RFX3: variants seen among roughly 807,000 people sequenced by gnomAD.
The protein encoded by RFX3 is transcription factor RFX3.
RFX3 carries 14 observed loss-of-function variants against 98.6 expected under a neutral mutation model. That is an observed-to-expected ratio of 0.14 (90% CI 0.09 to 0.22). The LOEUF is 0.22. Among genes scored for constraint, RFX3 ranks in the 10% least tolerant of loss-of-function variants. RFX3 has a pLI of 1.00. For synonymous variants in RFX3, 383 were observed against 328.4 expected, an observed-to-expected ratio of 1.17 and a Z score of -1.80; for missense variants, 639 against 926.9, an observed-to-expected ratio of 0.69 and a Z score of 4.03.
chr9:3,520,049 G>A (rs1818553581), intron 1 of RFX3, among the ~76,000 whole-genome samples: 1 of 152,164 alleles, frequency 6.6e-6, no homozygotes, highest in Admixed American at 6.5e-5. Flanking sequence ...GATTGAGGCT[G>A]CAGTGAGCTA....
intron 2 of RFX3, among the ~76,000 whole-genome samples, chr9:3,357,329 T>A (rs1354769783): frequency 2.0e-5 from 3 of 152,050 alleles, no homozygotes; most frequent in Non-Finnish European, 4.4e-5. Context: ...TTTCTCTACA[T>A]AAATTATCTC....
intron 1 of RFX3, among the ~76,000 whole-genome samples, chr9:3,424,011 G>T (rs953230406): frequency 6.6e-6 from 1 of 151,508 alleles, no homozygotes; most frequent in Non-Finnish European, 1.5e-5. Flanking sequence ...GCCGGGCGTG[G>T]TGGCAGGTGC....
At chr9:3,508,481 TCTGA>T (rs774623894) in intron 1 of RFX3, among the ~76,000 whole-genome samples, 6 of 151,994 alleles carry the variant, frequency 3.9e-5, no homozygotes, top group Non-Finnish European at 7.4e-5. Context: ...TGCATTATAT[TCTGA>T]CTCTCTCAAT....
At chr9:3,464,354 T>A (rs982320201) in intron 1 of RFX3, among the ~76,000 whole-genome samples, 4 of 152,232 alleles carry the variant, frequency 2.6e-5, no homozygotes, top group African/African-American at 4.8e-5. Context: ...GTATAACTGT[T>A]TTATTCATAA....
At chr9:3,270,106 GAAAGAAAGAAAGAAAGAAAGGAAA>G (rs1277573302) in intron 11 of RFX3, among the ~76,000 whole-genome samples, 7 of 25,858 alleles carry the variant, frequency 2.7e-4, no homozygotes, top group South Asian at 5.0e-3. Flanking sequence ...AAGAAAGAAA[GAAAGAAAGAAAGAAAGAAAGGAAA>G]GAAAGAAAGA....
At chr9:3,362,404 C>T (rs1391444067) in intron 2 of RFX3, among the ~76,000 whole-genome samples, 3 of 152,022 alleles carry the variant, frequency 2.0e-5, no homozygotes, top group African/African-American at 7.3e-5. Context: ...GGTAGATGAC[C>T]CTATCACTTA....
intron 1 of RFX3, among the ~76,000 whole-genome samples, chr9:3,441,313 G>C (rs1034948348): frequency 6.6e-6 from 1 of 151,534 alleles, no homozygotes; most frequent in Non-Finnish European, 1.5e-5. Context: ...AGAATTGAGA[G>C]AGAGAGAGAG....
At chr9:3,408,216 T>C (rs985845907) in intron 1 of RFX3, among the ~76,000 whole-genome samples, 6 of 152,120 alleles carry the variant, frequency 3.9e-5, no homozygotes, top group African/African-American at 1.4e-4. Context: ...TATTTAACTC[T>C]CCTTCCTAAT....
intron 1 of RFX3, among the ~76,000 whole-genome samples, chr9:3,434,581 T>C (rs546060469): frequency 2.0e-5 from 3 of 152,266 alleles, no homozygotes; most frequent in South Asian, 4.1e-4. Flanking sequence ...AAGGTCTTTG[T>C]ACATTCCACT....
At chr9:3,233,021 C>T (rs543038851) in intron 15 of RFX3, among the ~76,000 whole-genome samples, 1 of 152,296 alleles carries the variant, frequency 6.6e-6, no homozygotes, top group African/African-American at 2.4e-5. Context: ...CTAGAACAGA[C>T]AGTAGAGAAA....
At chr9:3,347,196 CT>C (rs1670188068) in intron 2 of RFX3, among the ~76,000 whole-genome samples, 1 of 152,046 alleles carries the variant, frequency 6.6e-6, no homozygotes, top group South Asian at 2.1e-4. Context: ...CGGCATGCGC[CT>C]GTAGTCCCAG....
At chr9:3,425,188 G>A (rs564608353) in intron 1 of RFX3, among the ~76,000 whole-genome samples, 3 of 152,318 alleles carry the variant, frequency 2.0e-5, no homozygotes, top group South Asian at 4.1e-4. Flanking sequence ...AGTGAGCCAT[G>A]ATCACACACC....
At chr9:3,467,935 T>C (rs1848459900) in intron 1 of RFX3, among the ~76,000 whole-genome samples, 1 of 152,184 alleles carries the variant, frequency 6.6e-6, no homozygotes, top group Non-Finnish European at 1.5e-5. Context: ...CAAGTGTCCT[T>C]GCAACCATGG....
intron 1 of RFX3, among the ~76,000 whole-genome samples, chr9:3,440,483 T>C (rs1845521045): frequency 1.3e-5 from 2 of 152,064 alleles, no homozygotes; most frequent in Admixed American, 1.3e-4. Flanking sequence ...AAAAAATAAA[T>C]TTATAATAGC....
At chr9:3,415,184 C>T (rs1465617298) in intron 1 of RFX3, among the ~76,000 whole-genome samples, 6 of 129,156 alleles carry the variant, frequency 4.6e-5, no homozygotes, top group African/African-American at 9.3e-5. Flanking sequence ...TATATATATA[C>T]ACATACTCAT....
chr9:3,505,782 C>G (rs1185460718), intron 1 of RFX3, among the ~76,000 whole-genome samples: 1 of 150,674 alleles, frequency 6.6e-6, no homozygotes, highest in Admixed American at 6.7e-5. Context: ...TTTACACTCT[C>G]TACCCCCCTG....
intron 1 of RFX3, among the ~76,000 whole-genome samples, chr9:3,402,058 C>T (rs1434528265): frequency 6.6e-6 from 1 of 152,160 alleles, no homozygotes; most frequent in Non-Finnish European, 1.5e-5. Context: ...CACTCAAATT[C>T]ACAGTTGGAT....
chr9:3,514,531 G>A (rs1016489900), intron 1 of RFX3, among the ~76,000 whole-genome samples: 1 of 152,014 alleles, frequency 6.6e-6, no homozygotes, highest in Admixed American at 6.6e-5. Context: ...ACAGCCTCCA[G>A]CCTCCACCTC....
chr9:3,498,161 A>G (rs1851245577), intron 1 of RFX3, among the ~76,000 whole-genome samples: 1 of 152,020 alleles, frequency 6.6e-6, no homozygotes, highest in Non-Finnish European at 1.5e-5. Flanking sequence ...ATCACATACT[A>G]AAGGACACAA....
Sources: gnomAD v4.1 joint callset for allele counts (sites outside exome capture counted in the v4.1 genomes callset) on GRCh38, gnomAD v4.1.1 for gene constraint, MANE v1.5 for transcripts, NCBI Gene and HGNC (gene_info 2026-07-23, HGNC 2026-07-21) for gene names.